Variants in KANK1 observed in about 807,000 individuals in gnomAD.
KANK1 encodes the protein KN motif and ankyrin repeat domains 1.
In KANK1, 109 loss-of-function variants were observed where a neutral mutation model predicts 106.2. That is an observed-to-expected ratio of 1.03 (90% CI 0.88 to 1.20). The LOEUF is 1.20. KANK1 is among the 50% of genes most tolerant of loss of function. The probability of loss-of-function intolerance (pLI) is 0.00; values close to 1 mark genes in which losing one functional copy is unlikely to be tolerated. For synonymous variants in KANK1, 873 were observed against 652.2 expected (o/e 1.34, Z -5.16); for missense variants, 2,399 against 1,710.7 (o/e 1.40, Z -7.10).
At chr9:503,407 C>A (rs796252059), upstream of KANK1, among the ~76,000 whole-genome samples, 16 of 152,318 alleles carry the variant, frequency 1.1e-4, no homozygotes, top group African/African-American at 3.8e-4. Context: ...CTTCACATAT[C>A]TTCCGGCTGC....
intron 3 of KANK1, among the ~76,000 whole-genome samples, chr9:498,877 A>C (rs1229292821): frequency 1.3e-5 from 2 of 152,198 alleles, no homozygotes; most frequent in Non-Finnish European, 2.9e-5. Flanking sequence ...TAGTTCCTCA[A>C]AAAGTTGAAC....
chr9:637,559 T>G (rs1837444402), intron 1 of KANK1, among the ~76,000 whole-genome samples: 1 of 152,160 alleles, frequency 6.6e-6, no homozygotes, highest in South Asian at 2.1e-4. Context: ...AAGTCTGGGG[T>G]GAAGCCTGAG....
At chr9:710,659 C>A in intron 2 of KANK1, 145 bp from the exon 3 acceptor site, 1 of 515,380 alleles carries the variant, frequency 1.9e-6, no homozygotes, top group Admixed American at 3.5e-5. Context: ...CTTGCTTACC[C>A]AGCTGTTGTA....
At chr9:472,161 T>A (rs763843352) in intron 2 of KANK1, among the ~76,000 whole-genome samples, 1 of 152,242 alleles carries the variant, frequency 6.6e-6, no homozygotes, top group South Asian at 2.1e-4. Flanking sequence ...CAGCCTCTTA[T>A]AGAGAGCTGG....
At chr9:668,479 C>A (rs183008705) in intron 1 of KANK1, among the ~76,000 whole-genome samples, 1 of 152,118 alleles carries the variant, frequency 6.6e-6, no homozygotes, top group East Asian at 1.9e-4. Flanking sequence ...TGTTAAATTT[C>A]TCTGATAAAT....
intron 1 of KANK1, among the ~76,000 whole-genome samples, chr9:591,236 A>C (rs1493997): frequency 0.34 from 51,516 of 151,736 alleles, 11,410 homozygotes; most frequent in South Asian, 0.56. Flanking sequence ...TTGAATTTTT[A>C]TACTGCTTTT....
intron 3 of KANK1, among the ~76,000 whole-genome samples, chr9:715,954 A>G (rs1827576919): frequency 6.6e-6 from 1 of 152,220 alleles, no homozygotes; most frequent in African/African-American, 2.4e-5. Context: ...CCCAGGGTGC[A>G]CTGTGCATTC....
At chr9:684,603 G>A in intron 2 of KANK1, 1 of 984,560 alleles carries the variant, frequency 1.0e-6, no homozygotes, top group Non-Finnish European at 1.2e-6. Context: ...TTCTGATTAT[G>A]CACTTCCCCT....
At chr9:580,319 G>T (rs2804275) in intron 1 of KANK1, among the ~76,000 whole-genome samples, 1 of 152,000 alleles carries the variant, frequency 6.6e-6, no homozygotes, top group African/African-American at 2.4e-5. Flanking sequence ...GCGCGGACCC[G>T]AAGAGTGAGC....
chr9:567,010 G>A (rs1308446658), intron 1 of KANK1, among the ~76,000 whole-genome samples: 1 of 152,100 alleles, frequency 6.6e-6, no homozygotes, highest in African/African-American at 2.4e-5. Flanking sequence ...TTCTTGAGTT[G>A]ATTTTTGTAT....
At chr9:609,678 T>G (rs1830133522) in intron 1 of KANK1, among the ~76,000 whole-genome samples, 1 of 152,132 alleles carries the variant, frequency 6.6e-6, no homozygotes, top group South Asian at 2.1e-4. Flanking sequence ...CAATAGACAT[T>G]GATCCTGCTA....
chr9:554,736 T>C (rs926587052), intron 1 of KANK1, among the ~76,000 whole-genome samples: 4 of 152,198 alleles, frequency 2.6e-5, no homozygotes, highest in African/African-American at 9.7e-5. Context: ...TTTCAGCAAT[T>C]GAGAATTACT....
chr9:608,025 A>ATTTTTTTT lies in KANK1; in HGVS notation c.-83-68863_-83-68862insTTTTTTTT, dbSNP rs200257324. Among the ~76,000 whole-genome samples, 233 of 77,998 alleles carry ATTTTTTTT rather than the reference A, an allele frequency of 3.0e-3. 3 individuals carry two copies. Among genetic ancestry groups the ATTTTTTTT allele is most frequent in the Non-Finnish European group, 4.8e-3 (176 of 37,026 alleles). 51.2% of individuals were successfully genotyped at this position (77,998 alleles called of 152,430 possible). On this transcript the variant is annotated intron_variant, in intron 1 of 11. Transcript: ENST00000382297. ...AAAAACTTTCAGAATTATTATTATTATTATTATTATTTTTTTTTTTTTTGA... is the reference window on the plus strand; with the variant it reads ...AAAAACTTTCAGAATTATTATTATTATTTTTTTTTTATTATTATTTTTTTTTTTTTTGA...
intron 3 of KANK1, among the ~76,000 whole-genome samples, chr9:482,060 CCTT>C (rs1252015418): frequency 6.6e-6 from 1 of 152,150 alleles, no homozygotes; most frequent in Non-Finnish European, 1.5e-5. Flanking sequence ...TGGACCTCTC[CCTT>C]CTTATGAACT....
At chr9:614,315 G>T (rs1219153495) in intron 1 of KANK1, among the ~76,000 whole-genome samples, 1 of 152,166 alleles carries the variant, frequency 6.6e-6, no homozygotes, top group Non-Finnish European at 1.5e-5. Flanking sequence ...CTCAGGAAAT[G>T]AGATTGTTTT....
chr9:586,282 G>T (rs998309033), intron 1 of KANK1, among the ~76,000 whole-genome samples: 1 of 152,208 alleles, frequency 6.6e-6, no homozygotes, highest in Non-Finnish European at 1.5e-5. Context: ...TCATTTTACA[G>T]TCAAGGGGAT....
chr9:565,227 A>G (rs973926016), intron 1 of KANK1, among the ~76,000 whole-genome samples: 1 of 152,022 alleles, frequency 6.6e-6, no homozygotes, highest in East Asian at 1.9e-4. Context: ...CACCCATTCA[A>G]CTCCCTGACT....
chr9:671,704 C>G (rs1339332248), intron 1 of KANK1, among the ~76,000 whole-genome samples: 1 of 151,216 alleles, frequency 6.6e-6, no homozygotes, highest in African/African-American at 2.4e-5. Context: ...ATGTGTTACT[C>G]CAAGGAATAA....
At chr9:572,781 C>G (rs1207842069) in intron 1 of KANK1, among the ~76,000 whole-genome samples, 1 of 152,138 alleles carries the variant, frequency 6.6e-6, no homozygotes, top group Non-Finnish European at 1.5e-5. Flanking sequence ...TGTTTTAACT[C>G]ATGAGTTAAA....
Sources: gnomAD v4.1 joint callset for allele counts (sites outside exome capture counted in the v4.1 genomes callset) on GRCh38, gnomAD v4.1.1 for gene constraint, MANE v1.5 for transcripts, NCBI Gene and HGNC (gene_info 2026-07-23, HGNC 2026-07-21) for gene names.